P4HTM: variants seen among roughly 807,000 people sequenced by gnomAD.
P4HTM encodes transmembrane prolyl 4-hydroxylase.
Under a neutral mutation model 55.3 loss-of-function variants are expected in P4HTM, and 33 were observed. The ratio of observed to expected loss-of-function variants is 0.60; its 90% CI spans 0.45 to 0.80. The LOEUF (loss-of-function observed/expected upper bound fraction) is 0.80, where lower values mean the gene tolerates loss of function less well. Among genes scored for constraint, P4HTM ranks in the 30% least tolerant of loss-of-function variants. The probability of loss-of-function intolerance (pLI) is 0.00; values close to 1 mark genes in which losing one functional copy is unlikely to be tolerated. For missense variants in P4HTM, 542 were observed against 696.5 expected, an observed-to-expected ratio of 0.78 and a Z score of 2.50; for synonymous variants, 272 against 286.4, an observed-to-expected ratio of 0.95 and a Z score of 0.51.
chr3:49,005,763 C>G lies in P4HTM; in HGVS notation c.1074-14C>G, dbSNP rs2092976879. On this transcript the variant is annotated splice_polypyrimidine_tract_variant and intron_variant, in intron 6 of 8. Coordinates refer to ENST00000383729, the MANE Select transcript of P4HTM (RefSeq NM_177939.3). ...ACAACTGGGGACCTGCTCAGTGCCC[C>G]CCCTGCCTTACAGCTACATGACAGT... 6.3e-7 allele frequency: 1 copy of G among 1,595,224 alleles called. No individual in the cohort carries two copies. Among genetic ancestry groups the G allele is most frequent in the Admixed American group, 1.8e-5 (1 of 56,806 alleles).
At chr3:48,995,049 C>T (rs2092941586) in intron 2 of P4HTM, among the ~76,000 whole-genome samples, 1 of 152,200 alleles carries the variant, frequency 6.6e-6, no homozygotes, top group African/African-American at 2.4e-5. Context: ...GACCCACCCA[C>T]CTTGGCCTCC....
chr3:49,005,268 A>G, intron 6 of P4HTM: 5 of 1,471,950 alleles, frequency 3.4e-6, no homozygotes, highest in Non-Finnish European at 4.5e-6. Context: ...ACACAGACTG[A>G]TGTACCCACA....
chr3:49,004,389 AC>A, intron 5 of P4HTM, 129 bp downstream of exon 5: 1 of 1,010,582 alleles, frequency 9.9e-7, no homozygotes, highest in Non-Finnish European at 1.4e-6. Context: ...CATTTGTTAG[AC>A]CAGGATTGGG....
intron 6 of P4HTM, 25 bp downstream of exon 6, chr3:49,005,071 G>A (rs765009856): frequency 3.1e-6 from 5 of 1,613,818 alleles, no homozygotes; most frequent in Non-Finnish European, 4.2e-6. Context: ...ACTGGGGGCT[G>A]CCTTCAATCC....
chr3:48,991,290 T>A, intron 2 of P4HTM: 1 of 201,404 alleles, frequency 5.0e-6, no homozygotes, highest in Non-Finnish European at 1.0e-5. Context: ...ACTGCCGAAG[T>A]GGGCCTTGTG....
chr3:48,998,311 TGGCCTGCATGGCCTCGCACA>T (rs1301029800), intron 2 of P4HTM: 4 of 152,290 alleles, frequency 2.6e-5, no homozygotes, highest in African/African-American at 9.7e-5. Flanking sequence ...GGCTCGCAGC[TGGCCTGCATGGCCTCGCACA>T]GGCTGTAGGA....
At position 49,004,926 on chromosome 3, in the gene P4HTM, G is replaced by A. The variant is rs775391993; in HGVS notation, c.953G>A (p.Arg318Gln). 9.9e-6 allele frequency: 16 copies of A among 1,613,830 alleles called. No individual in the cohort carries two copies. The South Asian group carries it at 1.5e-4, about 16-fold the overall frequency. ...CTCAGCGAGCCGCTGCAGGTTGTTC[G>A]ATATGGTGAGGGGGGCCACTACCAT... ...VELSEPLQVV[R>Q]YGEGGHYHAH... Residue 318 changes from arginine to glutamine, a missense_variant, in exon 6 of 9, where the codon CGA becomes CAA. Coordinates refer to ENST00000383729, the MANE Select transcript of P4HTM (RefSeq NM_177939.3).
intron 2 of P4HTM, chr3:48,997,103 T>TG (rs1271631912): frequency 6.6e-6 from 1 of 152,166 alleles, no homozygotes; most frequent in Non-Finnish European, 1.5e-5. Context: ...TAAATCTCCT[T>TG]GGGGGGCGGC....
rs1175718129 is a variant in P4HTM at position 49,003,833 on chromosome 3, T to C, written c.725-265T>C. 2.6e-5 allele frequency: 11 copies of C among 417,598 alleles called. No individual in the cohort carries two copies. The Admixed American group carries it at 4.6e-4, about 17-fold the overall frequency. 25.9% of individuals were successfully genotyped at this position (417,598 alleles called of 1,614,324 possible). ...GGAGAACCTTCTCTGGCCACTCTAA[T>C]AGGGGGTGGGCCTCTTTCTTCTTAG... is the stretch of plus-strand genomic sequence containing the variant. On this transcript the variant is annotated intron_variant, in intron 4 of 8. Transcript: ENST00000383729.
chr3:48,991,098 A>C, intron 2 of P4HTM, 184 bp downstream of exon 2: 1 of 568,822 alleles, frequency 1.8e-6, no homozygotes. Context: ...TCTTATCCCA[A>C]CTCCCTGCAG....
In P4HTM at chr3:48,990,678, G is replaced by T. The variant is rs1026966023; in HGVS notation, c.354+68G>T. ...CTGAGCCCGAGAGGACCGGCGCTCA[G>T]CCCGGGTCCCCACGCTGCCCCCGGC... is the stretch of plus-strand genomic sequence containing the variant. On this transcript the variant is annotated intron_variant, in intron 1 of 8. Transcript: ENST00000383729. This position sits in a 1 kb window ranked among gnomAD's most constrained non-coding sequence, Gnocchi z 7.2. The T allele has an allele frequency of 1.4e-5, 21 of 1,475,396 alleles. No individual in the cohort carries two copies. The African/African-American group carries it at 3.0e-4, about 21-fold the overall frequency. 91.4% of individuals were successfully genotyped at this position (1,475,396 alleles called of 1,614,324 possible).
rs760561710 is a variant in P4HTM, at chr3:49,005,055, C to T, written c.1073+9C>T. ...TTCGAGACCTCCTGCCGGCAAGTAT[C>T]TCCCAACTGGGGGCTGCCTTCAATC... is the stretch of plus-strand genomic sequence containing the variant. On this transcript the variant is annotated intron_variant, in intron 6 of 8. Coordinates refer to ENST00000383729, the MANE Select transcript of P4HTM (RefSeq NM_177939.3). The T allele has an allele frequency of 6.2e-7, 1 of 1,613,920 alleles. No homozygotes were observed. The highest frequency in any genetic ancestry group is 1.3e-5 in the African/African-American group (1 of 74,952).
At chr3:48,992,472 G>A (rs1409808613) in intron 2 of P4HTM, among the ~76,000 whole-genome samples, 1 of 151,500 alleles carries the variant, frequency 6.6e-6, no homozygotes, top group African/African-American at 2.4e-5. Context: ...CGGGTGTGGT[G>A]GTGTACACCT....
Position 49,005,424 on chromosome 3 carries a change from C to T in P4HTM, c.1074-353C>T, listed in dbSNP as rs1248676734. ...CCTCCCCTGTCAAGCCAGTTCTTTC[C>T]TCTTCAGGTGGCTGTTCTGGCCCAG... On this transcript the variant is annotated intron_variant, in intron 6 of 8. Coordinates refer to ENST00000383729, the MANE Select transcript of P4HTM (RefSeq NM_177939.3). The T allele has an allele frequency of 3.6e-6, 5 of 1,395,912 alleles. No homozygotes were observed. In the Admixed American group the frequency reaches 1.6e-4, roughly 46 times the overall value. The allele number at this position is 1,395,912 out of a possible 1,614,324, so 86.5% of individuals were successfully genotyped here. A position where few individuals can be genotyped will look rare whatever the true frequency, so the allele number is the denominator to read the frequency against.
At chr3:48,991,844 C>G in intron 2 of P4HTM, 1 of 152,196 alleles carries the variant, frequency 6.6e-6, no homozygotes, top group East Asian at 1.9e-4. Flanking sequence ...CCGTGACAAA[C>G]ATATTTGCAA....
chr3:48,990,215 C>T (rs2092926331), upstream of P4HTM: 8 of 1,147,288 alleles, frequency 7.0e-6, no homozygotes, highest in South Asian at 3.5e-4. This position sits in a 1 kb window ranked among gnomAD's most constrained non-coding sequence, Gnocchi z 7.2. Flanking sequence ...GCGCGGGCAC[C>T]CCCGCGGCCC....
At chr3:49,003,856 T>C in intron 4 of P4HTM, 1 of 473,172 alleles carries the variant, frequency 2.1e-6, no homozygotes, top group Non-Finnish European at 3.7e-6. Flanking sequence ...TCTTTCTTCT[T>C]AGGGCCAAAT....
intron 2 of P4HTM, chr3:48,992,338 G>A (rs1035115391): frequency 6.6e-6 from 1 of 151,986 alleles, no homozygotes; most frequent in African/African-American, 2.4e-5. Flanking sequence ...GGGCGTGGTG[G>A]CTCATGTCTA....
upstream of P4HTM, chr3:48,990,069 C>CT (rs2092925764): frequency 3.1e-6 from 1 of 326,414 alleles, no homozygotes; most frequent in African/African-American, 2.2e-5. The surrounding 1 kb of genome is among the most constrained non-coding windows in gnomAD (Gnocchi z 7.2). Context: ...CCAGCGTGGG[C>CT]TGGGGCTCAA....
Sources: allele counts gnomAD v4.1 joint callset (sites outside exome capture counted in the v4.1 genomes callset), GRCh38; gene constraint gnomAD v4.1.1; non-coding constraint Gnocchi (gnomAD v3.1); transcripts MANE v1.5; gene names NCBI Gene and HGNC (gene_info 2026-07-23, HGNC 2026-07-21).